Variants in PSD3 observed in about 807,000 individuals in gnomAD.
The protein encoded by PSD3 is pleckstrin and Sec7 domain containing 3.
PSD3 carries 49 observed loss-of-function variants against 105.5 expected under a neutral mutation model. That is an observed-to-expected ratio of 0.46 (90% CI 0.37 to 0.59). The LOEUF is 0.59. PSD3 is among the 20% of genes least tolerant of loss of function. The pLI, the probability that PSD3 is intolerant of heterozygous loss-of-function variation, is 0.00. For missense variants in PSD3, 1,561 were observed against 1,263.8 expected, an observed-to-expected ratio of 1.24 and a Z score of -3.57; for synonymous variants, 557 against 457.8, an observed-to-expected ratio of 1.22 and a Z score of -2.77.
At chr8:18,783,749 C>A (rs1808861669) in intron 8 of PSD3, among the ~76,000 whole-genome samples, 1 of 152,200 alleles carries the variant, frequency 6.6e-6, no homozygotes, top group Non-Finnish European at 1.5e-5. Flanking sequence ...TCTCTCACAT[C>A]AGCCACTCGA....
rs569318026 is a variant in PSD3, at chr8:19,038,360, C to G, written c.324+45846G>C. On this transcript the variant is annotated intron_variant, in intron 1 of 1. Coordinates refer to the PSD3 transcript ENST00000521475. ...TTGGGGTCCCTTTTTCTTTCTTTTA[C>G]AGGACTTTTATCACTCAAGAGAAGT... Among the ~76,000 whole-genome samples, 144 of 152,256 alleles carry G rather than the reference C, an allele frequency of 9.5e-4. 1 individual carries two copies. Among genetic ancestry groups the G allele is most frequent in the Middle Eastern group, 6.8e-3 (2 of 294 alleles).
chr8:18,672,417 T>A (rs1676857814), intron 9 of PSD3, among the ~76,000 whole-genome samples: 1 of 152,124 alleles, frequency 6.6e-6, no homozygotes, highest in South Asian at 2.1e-4. Context: ...TCCCTGTCAT[T>A]TCCATGCATT....
At chr8:18,716,430 G>A (rs1278460157) in intron 9 of PSD3, among the ~76,000 whole-genome samples, 1 of 152,170 alleles carries the variant, frequency 6.6e-6, no homozygotes, top group African/African-American at 2.4e-5. Context: ...GATTAATGAG[G>A]AGCCAATGAA....
intron 9 of PSD3, among the ~76,000 whole-genome samples, chr8:18,736,376 T>G (rs1272581035): frequency 6.6e-6 from 1 of 152,162 alleles, no homozygotes; most frequent in Non-Finnish European, 1.5e-5. Flanking sequence ...ATTTAAACAC[T>G]AGAATAATGC....
chr8:18,926,048 G>T (rs1821340218), intron 2 of PSD3, among the ~76,000 whole-genome samples: 1 of 151,726 alleles, frequency 6.6e-6, no homozygotes, highest in South Asian at 2.1e-4. Context: ...GTATTCTGGT[G>T]ATGCTACTGT....
intron 1 of PSD3, among the ~76,000 whole-genome samples, chr8:19,032,411 G>A (rs1827801007): frequency 6.6e-6 from 1 of 152,118 alleles, no homozygotes; most frequent in African/African-American, 2.4e-5. Context: ...GGGAGGCCAA[G>A]GTGGGAGGAT....
At chr8:19,054,380 T>C (rs148257725) in intron 1 of PSD3, among the ~76,000 whole-genome samples, 425 of 152,290 alleles carry the variant, frequency 2.8e-3, no homozygotes, top group Non-Finnish European at 5.2e-3. Flanking sequence ...CTACCTGGTT[T>C]ATGATCATCT....
intron 4 of PSD3, among the ~76,000 whole-genome samples, chr8:18,821,163 G>A (rs1812664715): frequency 6.9e-6 from 1 of 143,998 alleles, no homozygotes; most frequent in Admixed American, 7.7e-5. Context: ...GCAAAACAAG[G>A]TATTTTGAAA....
intron 14 of PSD3, among the ~76,000 whole-genome samples, chr8:18,566,771 G>T (rs1801794069): frequency 6.6e-6 from 1 of 151,848 alleles, no homozygotes; most frequent in Non-Finnish European, 1.5e-5. Flanking sequence ...ATCCCTAATT[G>T]TGATTATACT....
intron 9 of PSD3, among the ~76,000 whole-genome samples, chr8:18,698,838 G>A (rs750274611): frequency 2.6e-5 from 4 of 152,120 alleles, no homozygotes; most frequent in Admixed American, 6.5e-5. Flanking sequence ...GCTTTTATAT[G>A]CAGGAACAAT....
chr8:18,840,541 G>A (rs140405447), intron 4 of PSD3, among the ~76,000 whole-genome samples: 116 of 152,328 alleles, frequency 7.6e-4, no homozygotes, highest in Non-Finnish European at 2.9e-4. Flanking sequence ...GGTCTAAGAC[G>A]TTTACAGGCA....
chr8:18,922,594 T>C (rs138722680), intron 2 of PSD3, among the ~76,000 whole-genome samples: 1 of 152,274 alleles, frequency 6.6e-6, no homozygotes, highest in Non-Finnish European at 1.5e-5. Flanking sequence ...TCAACTGCAA[T>C]ACTATCTAAC....
At chr8:18,887,158 G>A (rs1470257148) in intron 2 of PSD3, 3 of 152,166 alleles carry the variant, frequency 2.0e-5, no homozygotes, top group Non-Finnish European at 4.4e-5. Context: ...TGACACATGG[G>A]AAAGAGATGG....
chr8:18,881,576 G>A (rs765668078), intron 2 of PSD3, among the ~76,000 whole-genome samples: 16 of 152,114 alleles, frequency 1.1e-4, no homozygotes, highest in Admixed American at 4.6e-4. Flanking sequence ...AGATAAAACC[G>A]TTTTCATGCG....
chr8:18,860,258 G>GC (rs1033797110), intron 4 of PSD3, among the ~76,000 whole-genome samples: 4 of 151,880 alleles, frequency 2.6e-5, no homozygotes, highest in Non-Finnish European at 5.9e-5. Flanking sequence ...GGTTTATGGG[G>GC]CCCCAAAACA....
intron 11 of PSD3, among the ~76,000 whole-genome samples, chr8:18,616,673 G>T (rs1805705664): frequency 7.6e-6 from 1 of 131,968 alleles, no homozygotes; most frequent in African/African-American, 2.8e-5. Flanking sequence ...GCCCAGGCTG[G>T]AGTGCAGTGG....
intron 1 of PSD3, among the ~76,000 whole-genome samples, chr8:18,952,435 G>C (rs1436745277): frequency 6.6e-6 from 1 of 152,186 alleles, no homozygotes; most frequent in Non-Finnish European, 1.5e-5. Flanking sequence ...ATTCACATGT[G>C]AAAGTCAGAG....
intron 8 of PSD3, among the ~76,000 whole-genome samples, chr8:18,769,232 T>G (rs1563244707): frequency 6.6e-6 from 1 of 152,224 alleles, no homozygotes; most frequent in Non-Finnish European, 1.5e-5. Flanking sequence ...TTTAATTCTT[T>G]GCTTTAAATG....
At chr8:18,820,031 C>T (rs1321006063) in intron 4 of PSD3, among the ~76,000 whole-genome samples, 1 of 152,134 alleles carries the variant, frequency 6.6e-6, no homozygotes, top group African/African-American at 2.4e-5. Context: ...ATAAAAGGTA[C>T]TGAGACAAAA....
Sources: gnomAD v4.1 joint callset for allele counts (sites outside exome capture counted in the v4.1 genomes callset) on GRCh38, gnomAD v4.1.1 for gene constraint, MANE v1.5 for transcripts, NCBI Gene and HGNC (gene_info 2026-07-23, HGNC 2026-07-21) for gene names.